CDH7: variants seen among roughly 807,000 people sequenced by gnomAD.
CDH7 encodes the protein cadherin-7.
Under a neutral mutation model 71.8 loss-of-function variants are expected in CDH7, and 25 were observed. The ratio of observed to expected loss-of-function variants is 0.35; its 90% confidence interval spans 0.25 to 0.49. The LOEUF (loss-of-function observed/expected upper bound fraction) is 0.49. Among genes scored for constraint, CDH7 ranks in the 20% least tolerant of loss-of-function variants. The probability of loss-of-function intolerance (pLI) is 0.99; values close to 1 mark genes in which losing one functional copy is unlikely to be tolerated. For synonymous variants in CDH7, 381 were observed against 363.8 expected, an observed-to-expected ratio of 1.05 and a Z score of -0.54; for missense variants, 862 against 974.6, an observed-to-expected ratio of 0.88 and a Z score of 1.54.
intron 2 of CDH7, among the ~76,000 whole-genome samples, chr18:65,768,330 G>A (rs554725516): frequency 9.4e-4 from 143 of 152,020 alleles, no homozygotes; most frequent in East Asian, 1.9e-3. Flanking sequence ...CCGCCTCCCG[G>A]TTCAAGCAAT....
intron 7 of CDH7, among the ~76,000 whole-genome samples, 175 bp from the exon 8 acceptor site, chr18:65,857,641 A>G (rs1396180643): frequency 2.0e-5 from 3 of 152,184 alleles, no homozygotes; most frequent in Non-Finnish European, 4.4e-5. Flanking sequence ...ACAGGTTATA[A>G]ACCATCTAAT....
At chr18:65,764,932 G>A (rs1463653937) in intron 2 of CDH7, among the ~76,000 whole-genome samples, 1 of 151,994 alleles carries the variant, frequency 6.6e-6, no homozygotes, top group East Asian at 1.9e-4. Context: ...GTGTCCCTAT[G>A]TTACTTAAAT....
In CDH7 at chr18:65,824,795, C is replaced by T; in HGVS notation, c.945C>T (p.Asp315=). ...TGGGCATTTTTAAGATTTCTGTTGA[C>T]AAAGAAACCCAGGAAGGAATCATTA... The part of the protein sequence containing the change: ...DGLGIFKISV[D]KETQEGIITI... Residue 315 remains aspartate, a synonymous_variant, in exon 6 of 12, where the codon GAC becomes GAT. Coordinates refer to ENST00000397968, the MANE Select transcript of CDH7 (RefSeq NM_004361.5). The T allele has an allele frequency of 3.1e-6, 5 of 1,611,622 alleles. No individual in the cohort carries two copies. Among genetic ancestry groups the T allele is most frequent in the Non-Finnish European group, 4.2e-6 (5 of 1,178,302 alleles).
At chr18:65,811,167 T>C (rs1911520424) in intron 3 of CDH7, among the ~76,000 whole-genome samples, 1 of 131,768 alleles carries the variant, frequency 7.6e-6, no homozygotes, top group African/African-American at 2.8e-5. Flanking sequence ...CACATGGGTA[T>C]TTTAACCCAT....
At chr18:65,817,587 G>T (rs57516871) in intron 4 of CDH7, among the ~76,000 whole-genome samples, 34,170 of 152,052 alleles carry the variant, frequency 0.22, 4,110 homozygotes, top group Non-Finnish European at 0.27. Context: ...AAACTCATTA[G>T]CAGATTTTTA....
chr18:65,824,168 T>A (rs1912040666), intron 5 of CDH7, among the ~76,000 whole-genome samples: 1 of 151,624 alleles, frequency 6.6e-6, no homozygotes, highest in Admixed American at 6.6e-5. Context: ...TTTCTGAAAC[T>A]CTCTCGGTAA....
At chr18:65,842,490 C>G (rs546100504) in intron 6 of CDH7, among the ~76,000 whole-genome samples, 2 of 151,344 alleles carry the variant, frequency 1.3e-5, no homozygotes, top group South Asian at 4.2e-4. Context: ...AATGTGTATA[C>G]ATATATTTAT....
intron 8 of CDH7, among the ~76,000 whole-genome samples, chr18:65,858,209 A>G (rs1913433631): frequency 6.6e-6 from 1 of 152,138 alleles, no homozygotes; most frequent in Non-Finnish European, 1.5e-5. Flanking sequence ...TTTTTTTCTG[A>G]TCATAATTCA....
At chr18:65,758,513 T>C (rs1442719480) in intron 1 of CDH7, among the ~76,000 whole-genome samples, 1 of 152,202 alleles carries the variant, frequency 6.6e-6, no homozygotes, top group African/African-American at 2.4e-5. Context: ...GTTCACACAC[T>C]GTTTTCTGAT....
intron 4 of CDH7, among the ~76,000 whole-genome samples, chr18:65,819,343 C>T (rs1911835445): frequency 6.6e-6 from 1 of 152,086 alleles, no homozygotes. Flanking sequence ...GGCACGCTGC[C>T]TGTGAGTTCG....
Position 65,762,811 on chromosome 18 carries a change from T to C in CDH7, c.-32T>C. 1.3e-6 allele frequency: 2 copies of C among 1,589,626 alleles called. No individual in the cohort carries two copies. The highest frequency in any genetic ancestry group is 1.7e-6 in the Non-Finnish European group (2 of 1,168,114). ...GCCTTTTCTCTTGTCAAGGTTTTTT[T>C]CTTACACAGGAAAAAGAAAGAAAAA... On this transcript the variant is annotated 5_prime_UTR_variant, in exon 2 of 12. Coordinates refer to ENST00000397968, the MANE Select transcript of CDH7 (RefSeq NM_004361.5).
chr18:65,880,265 G>A (rs1470042126), intron 11 of CDH7, 136 bp from the exon 12 acceptor site: 1 of 834,936 alleles, frequency 1.2e-6, no homozygotes, highest in Non-Finnish European at 1.8e-6. Context: ...GTGAATCCTT[G>A]TGGAAGTAGG....
At chr18:65,843,784 T>G in intron 6 of CDH7, 28 bp from the exon 7 acceptor site, 1 of 1,470,494 alleles carries the variant, frequency 6.8e-7, no homozygotes, top group East Asian at 2.4e-5. Flanking sequence ...AACCGGTAAT[T>G]TAATTTTCCT....
At chr18:65,861,031 T>C (rs980129441) in intron 10 of CDH7, among the ~76,000 whole-genome samples, 3 of 152,194 alleles carry the variant, frequency 2.0e-5, no homozygotes, top group Non-Finnish European at 4.4e-5. Flanking sequence ...GAAGGGAATT[T>C]ATGAACTTCA....
chr18:65,810,665 C>G (rs565298540), intron 3 of CDH7, among the ~76,000 whole-genome samples: 1 of 152,208 alleles, frequency 6.6e-6, no homozygotes, highest in East Asian at 1.9e-4. Flanking sequence ...GTATTAAGCC[C>G]AGCATCACTA....
At chr18:65,805,151 T>A (rs1032461766) in intron 2 of CDH7, among the ~76,000 whole-genome samples, 1 of 152,068 alleles carries the variant, frequency 6.6e-6, no homozygotes, top group African/African-American at 2.4e-5. Context: ...TAAATTAAAG[T>A]TGGATATAAA....
At chr18:65,781,859 T>C (rs1164879266) in intron 2 of CDH7, among the ~76,000 whole-genome samples, 87 of 80,122 alleles carry the variant, frequency 1.1e-3, no homozygotes, top group African/African-American at 3.7e-3. Flanking sequence ...TCTTTCTTTC[T>C]TTCTTTCTCT....
At chr18:65,834,040 C>T (rs1054842812) in intron 6 of CDH7, among the ~76,000 whole-genome samples, 1 of 152,074 alleles carries the variant, frequency 6.6e-6, no homozygotes, top group Non-Finnish European at 1.5e-5. Flanking sequence ...CTTCCTTTCC[C>T]CCCTGCCCTC....
chr18:65,874,268 A>G (rs1377164958), intron 11 of CDH7, among the ~76,000 whole-genome samples: 1 of 152,224 alleles, frequency 6.6e-6, no homozygotes, highest in African/African-American at 2.4e-5. Context: ...TTGGTTTTAA[A>G]AAACTTTCTT....
Sources: allele counts gnomAD v4.1 joint callset (sites outside exome capture counted in the v4.1 genomes callset), GRCh38; gene constraint gnomAD v4.1.1; transcripts MANE v1.5; gene names NCBI Gene and HGNC (gene_info 2026-07-23, HGNC 2026-07-21).